The following MAGI2 variants were observed in gnomAD, a reference collection of about 807,000 sequenced individuals.
MAGI2 encodes membrane-associated guanylate kinase, WW and PDZ domain-containing protein 2.
In MAGI2, 35 loss-of-function variants were observed where a neutral mutation model predicts 133.3. The ratio of observed to expected loss-of-function variants is 0.26; its 90% CI spans 0.20 to 0.35. The LOEUF is 0.35. MAGI2 is among the 10% of genes least tolerant of loss of function. MAGI2 has a pLI of 1.00. For synonymous variants in MAGI2, 729 were observed against 710.6 expected, an observed-to-expected ratio of 1.03 and a Z score of -0.41; for missense variants, 1,636 against 1,863.4, an observed-to-expected ratio of 0.88 and a Z score of 2.25.
intron 19 of MAGI2, among the ~76,000 whole-genome samples, chr7:78,126,193 G>GGTGT (rs3085805): frequency 0.042 from 6,248 of 149,038 alleles, 161 homozygotes; most frequent in African/African-American, 0.057. Context: ...ATAAATGTCA[G>GGTGT]GTGTGTGTGT....
intron 3 of MAGI2, among the ~76,000 whole-genome samples, chr7:78,581,130 T>A (rs6964453): frequency 0.72 from 110,166 of 152,040 alleles, 40,268 homozygotes; most frequent in East Asian, 0.88. Context: ...AGTATTAGCT[T>A]ACAACACTTG....
At chr7:78,507,021 A>C (rs1224716953) in intron 4 of MAGI2, among the ~76,000 whole-genome samples, 1 of 152,118 alleles carries the variant, frequency 6.6e-6, no homozygotes, top group East Asian at 1.9e-4. Context: ...TTATTCATTC[A>C]TTTCTTTATT....
intron 6 of MAGI2, among the ~76,000 whole-genome samples, chr7:78,459,611 TTTAA>T (rs1180755905): frequency 1.4e-4 from 22 of 152,364 alleles, no homozygotes; most frequent in African/African-American, 5.0e-4. Context: ...TAAAGATTAC[TTTAA>T]TTAAGTGTGC....
intron 1 of MAGI2, among the ~76,000 whole-genome samples, chr7:79,108,468 T>C (rs113084888): frequency 0.035 from 5,309 of 152,340 alleles, 123 homozygotes; most frequent in Middle Eastern, 0.078. Flanking sequence ...CATGTAGAAA[T>C]ATCTGATGGA....
chr7:78,125,581 A>G (rs1820898863), intron 20 of MAGI2, 113 bp downstream of exon 20: 1 of 1,061,718 alleles, frequency 9.4e-7, no homozygotes, highest in Non-Finnish European at 1.3e-6. Flanking sequence ...TCAACTAGAA[A>G]GAGGGCAAAC....
intron 2 of MAGI2, among the ~76,000 whole-genome samples, chr7:78,631,034 G>A (rs1236106331): frequency 6.6e-6 from 1 of 152,000 alleles, no homozygotes; most frequent in Non-Finnish European, 1.5e-5. Flanking sequence ...CATGGTGGCT[G>A]AGCACATCTG....
At chr7:78,033,706 G>A (rs1296187363) in intron 21 of MAGI2, among the ~76,000 whole-genome samples, 2 of 152,042 alleles carry the variant, frequency 1.3e-5, no homozygotes, top group Non-Finnish European at 1.5e-5. Context: ...GAGTTTGAAG[G>A]GAGAATAAGA....
At chr7:78,117,266 G>A (rs1346144966) in intron 20 of MAGI2, among the ~76,000 whole-genome samples, 1 of 151,772 alleles carries the variant, frequency 6.6e-6, no homozygotes, top group Admixed American at 6.6e-5. Flanking sequence ...CAATAACATA[G>A]ATATAAAAAT....
intron 10 of MAGI2, among the ~76,000 whole-genome samples, chr7:78,249,930 T>C (rs1792212215): frequency 6.6e-6 from 1 of 152,090 alleles, no homozygotes; most frequent in Non-Finnish European, 1.5e-5. Context: ...ATACAGCATA[T>C]ACATGTGTTG....
At chr7:78,631,644 T>C (rs1413384455) in intron 2 of MAGI2, among the ~76,000 whole-genome samples, 1 of 152,220 alleles carries the variant, frequency 6.6e-6, no homozygotes, top group Admixed American at 6.5e-5. Flanking sequence ...GCAGTTTCTT[T>C]ACATGGGCTT....
At chr7:79,365,867 C>CAAA (rs71095399) in intron 1 of MAGI2, among the ~76,000 whole-genome samples, 1,285 of 48,632 alleles carry the variant, frequency 0.026, 152 homozygotes, top group African/African-American at 0.029. Flanking sequence ...ACTCTTGTCT[C>CAAA]AAAAAAAAAA....
intron 2 of MAGI2, among the ~76,000 whole-genome samples, chr7:78,957,201 G>A (rs1420884668): frequency 6.9e-6 from 1 of 144,480 alleles, no homozygotes; most frequent in Non-Finnish European, 1.5e-5. Context: ...GGAGGCAGAG[G>A]TTGCAGTCAG....
intron 6 of MAGI2, among the ~76,000 whole-genome samples, chr7:78,400,476 T>C (rs1184880101): frequency 6.6e-6 from 1 of 152,180 alleles, no homozygotes; most frequent in Non-Finnish European, 1.5e-5. Flanking sequence ...TCATTTGTTA[T>C]TGGGACTTGG....
At chr7:78,989,721 G>A (rs188601419) in intron 2 of MAGI2, among the ~76,000 whole-genome samples, 1 of 152,080 alleles carries the variant, frequency 6.6e-6, no homozygotes, top group East Asian at 1.9e-4. Context: ...TACATAGGGT[G>A]AAGAAGTGGG....
intron 21 of MAGI2, among the ~76,000 whole-genome samples, chr7:78,058,361 C>G (rs1320937297): frequency 1.3e-5 from 2 of 152,114 alleles, no homozygotes; most frequent in Non-Finnish European, 2.9e-5. Flanking sequence ...CCCACTTTTC[C>G]GTGCCCTTCC....
At chr7:79,249,464 GACATT>G (rs1340279044) in intron 1 of MAGI2, among the ~76,000 whole-genome samples, 1 of 151,736 alleles carries the variant, frequency 6.6e-6, no homozygotes, top group Non-Finnish European at 1.5e-5. Flanking sequence ...TAATAAAAAA[GACATT>G]ACAATCATTA....
intron 11 of MAGI2, among the ~76,000 whole-genome samples, chr7:78,195,560 T>C (rs2150740881): frequency 6.6e-6 from 1 of 152,296 alleles, no homozygotes; most frequent in East Asian, 1.9e-4. Flanking sequence ...ATTCAGTCGC[T>C]TTCCTCTCAG....
intron 10 of MAGI2, among the ~76,000 whole-genome samples, chr7:78,247,381 G>T (rs1791910475): frequency 6.6e-6 from 1 of 152,104 alleles, no homozygotes; most frequent in African/African-American, 2.4e-5. Context: ...GGCATACTAA[G>T]ACTTGTTTGG....
chr7:78,206,236 T>C (rs1247425730), intron 10 of MAGI2, among the ~76,000 whole-genome samples: 2 of 151,942 alleles, frequency 1.3e-5, no homozygotes, highest in African/African-American at 4.8e-5. Context: ...CTTTAATCTA[T>C]CATGATATCG....
Sources: allele counts gnomAD v4.1 joint callset (sites outside exome capture counted in the v4.1 genomes callset), GRCh38; gene constraint gnomAD v4.1.1; transcripts MANE v1.5; gene names NCBI Gene and HGNC (gene_info 2026-07-23, HGNC 2026-07-21).